The following C19orf47 variants were observed in gnomAD, a reference collection of about 807,000 sequenced individuals.
C19orf47 encodes the protein chromosome 19 open reading frame 47.
C19orf47 carries 18 observed loss-of-function variants against 32.3 expected under a neutral mutation model. That is an observed-to-expected ratio of 0.56 (90% CI 0.39 to 0.83). The LOEUF (loss-of-function observed/expected upper bound fraction) is 0.83. Ranked by LOEUF, C19orf47 falls within the 40% of genes least tolerant of loss-of-function variation. C19orf47 has a pLI of 0.00. For missense variants in C19orf47, 484 were observed against 531.6 expected (o/e 0.91, Z 0.88); for synonymous variants, 202 against 211.1 (o/e 0.96, Z 0.37).
chr19:40,325,712 A>C (rs2077815214), intron 7 of C19orf47, among the ~76,000 whole-genome samples: 1 of 152,246 alleles, frequency 6.6e-6, no homozygotes, highest in Non-Finnish European at 1.5e-5. Context: ...TGGAAAGGTT[A>C]ACAAGAGACG....
At chr19:40,309,964 T>TGAA in the C19orf47 span, among the ~76,000 whole-genome samples, 1 of 152,144 alleles carries the variant, frequency 6.6e-6, no homozygotes, top group East Asian at 1.9e-4. Context: ...TGGCAGTTCT[T>TGAA]CAGATGGTTA....
In C19orf47 at chr19:40,348,137, C is replaced by G. The variant is rs549528292; in HGVS notation, c.-34+187G>C. Among the ~76,000 whole-genome samples the G allele has an allele frequency of 2.6e-5, 4 of 152,316 alleles. No homozygotes were observed. The East Asian group carries it at 7.7e-4, about 29-fold the overall frequency. Reference sequence around the variant, plus strand: ...ACGTACACGACCTGACTTCTCACTCCCATTTATAAAGCCGGTGATACAGTC... The same window carrying G: ...ACGTACACGACCTGACTTCTCACTCGCATTTATAAAGCCGGTGATACAGTC... On this transcript the variant is annotated intron_variant, in intron 1 of 8. Transcript: ENST00000683109.
At chr19:40,327,819 GC>G (rs2077865354) in intron 6 of C19orf47, among the ~76,000 whole-genome samples, 1 of 152,206 alleles carries the variant, frequency 6.6e-6, no homozygotes, top group African/African-American at 2.4e-5. Flanking sequence ...AGGAGCAAAG[GC>G]CCCATGATGG....
the C19orf47 span, among the ~76,000 whole-genome samples, chr19:40,307,980 T>C: frequency 6.6e-6 from 1 of 151,086 alleles, no homozygotes; most frequent in Non-Finnish European, 1.5e-5. Context: ...ACTCTCATCT[T>C]AGTGAAGAGG....
At chr19:40,336,534 C>CCA (rs2078069754) in intron 2 of C19orf47, 127 bp from the exon 3 acceptor site, 1 of 787,208 alleles carries the variant, frequency 1.3e-6, no homozygotes. Context: ...ATGGAGTGCT[C>CCA]CACACACACA....
chr19:40,322,398 T>C (rs778005730), intron 8 of C19orf47, 22 bp from the exon 9 acceptor site: 21 of 1,543,612 alleles, frequency 1.4e-5, no homozygotes, highest in Non-Finnish European at 1.7e-5. Context: ...AGAGACAGGA[T>C]GAATGAGTCA....
upstream of C19orf47, chr19:40,348,410 C>G: frequency 6.7e-7 from 1 of 1,487,980 alleles, no homozygotes; most frequent in Admixed American, 2.3e-5. Flanking sequence ...CCGGCCCGGG[C>G]TGCCCGCCCC....
At chr19:40,331,202 G>A (rs1387786932) in intron 5 of C19orf47, among the ~76,000 whole-genome samples, 2 of 152,194 alleles carry the variant, frequency 1.3e-5, no homozygotes, top group Non-Finnish European at 2.9e-5. Context: ...TGCAAGCAGT[G>A]GCTTAAGAGG....
At chr19:40,293,082 A>C in the C19orf47 span, among the ~76,000 whole-genome samples, 3 of 151,940 alleles carry the variant, frequency 2.0e-5, no homozygotes, top group African/African-American at 7.3e-5. Flanking sequence ...GATAAGCTTC[A>C]ATCCTCTGAC....
chr19:40,324,083 G>A lies in C19orf47; in HGVS notation c.593-7C>T, dbSNP rs1459714593. On this transcript the variant is annotated splice_region_variant and splice_polypyrimidine_tract_variant and intron_variant, in intron 7 of 8. Transcript: ENST00000683109. Reference sequence around the variant, plus strand: ...ACAGACGTCCTATGGAGACCTGGGAGGGAAGTGAAGCCATCAGGGAGAGGC... The same window carrying A: ...ACAGACGTCCTATGGAGACCTGGGAAGGAAGTGAAGCCATCAGGGAGAGGC... The A allele has an allele frequency of 1.2e-6, 2 of 1,614,230 alleles. No individual in the cohort carries two copies. The highest frequency in any genetic ancestry group is 1.7e-6 in the Non-Finnish European group (2 of 1,180,024).
At chr19:40,330,121 A>G (rs1303545583) in intron 5 of C19orf47, among the ~76,000 whole-genome samples, 2 of 152,178 alleles carry the variant, frequency 1.3e-5, no homozygotes, top group African/African-American at 2.4e-5. Context: ...AAGTGTGTAA[A>G]AGTGATCATC....
Position 40,331,313 on chromosome 19 carries a change from C to T in C19orf47, c.301+2538G>A, listed in dbSNP as rs117129630. On this transcript the variant is annotated intron_variant, in intron 5 of 8. Transcript: ENST00000683109. ...CTAGCCAGCTAGATAATTATGGACACGTAGCCAAGTCACCCTGTGGGCCCA... is the reference window on the plus strand; with the variant it reads ...CTAGCCAGCTAGATAATTATGGACATGTAGCCAAGTCACCCTGTGGGCCCA... Among the ~76,000 whole-genome samples the T allele has an allele frequency of 4.6e-3, 705 of 152,342 alleles. 2 individuals carry two copies. Among genetic ancestry groups the T allele is most frequent in the Non-Finnish European group, 8.5e-3 (576 of 68,038 alleles).
the C19orf47 span, among the ~76,000 whole-genome samples, chr19:40,312,322 C>T: frequency 2.0e-5 from 3 of 151,958 alleles, no homozygotes; most frequent in African/African-American, 4.8e-5. Flanking sequence ...CCGAGGCGGT[C>T]GGATCACGAG....
rs771899789 is a variant in C19orf47, at chr19:40,324,110, C to T, written c.593-34G>A. ...GAAGTGAAGCCATCAGGGAGAGGCC[C>T]CGGTGGGCCAGGCCTAGGCTGAGCT... On this transcript the variant is annotated intron_variant, in intron 7 of 8. Transcript: ENST00000683109. 2.5e-6 allele frequency: 4 copies of T among 1,611,430 alleles called. No homozygotes were observed. The Admixed American group carries it at 5.0e-5, about 20-fold the overall frequency.
downstream of C19orf47, among the ~76,000 whole-genome samples, chr19:40,318,973 T>C (rs1228026022): frequency 2.6e-5 from 4 of 152,136 alleles, no homozygotes; most frequent in Non-Finnish European, 5.9e-5. Context: ...ATGGTACAGT[T>C]TAAAATAGTT....
chr19:40,310,963 C>T, the C19orf47 span, among the ~76,000 whole-genome samples: 2 of 152,054 alleles, frequency 1.3e-5, no homozygotes, highest in Non-Finnish European at 2.9e-5. Context: ...TTACACCAGG[C>T]GCAGTGGCTC....
chr19:40,340,328 C>A (rs1025297539), intron 2 of C19orf47, among the ~76,000 whole-genome samples: 1 of 152,116 alleles, frequency 6.6e-6, no homozygotes, highest in Non-Finnish European at 1.5e-5. Flanking sequence ...CCAGAGGCAA[C>A]CACCACCTTC....
At chr19:40,296,037 T>A in the C19orf47 span, among the ~76,000 whole-genome samples, 1 of 152,190 alleles carries the variant, frequency 6.6e-6, no homozygotes, top group Admixed American at 6.5e-5. Context: ...TGAACCAACA[T>A]GCCTGGCCCA....
the C19orf47 span, among the ~76,000 whole-genome samples, chr19:40,302,414 C>T: frequency 1.3e-5 from 2 of 152,084 alleles, no homozygotes; most frequent in Non-Finnish European, 2.9e-5. Context: ...TACAGGCATG[C>T]ACGAACATGT....
Sources: allele counts gnomAD v4.1 joint callset (sites outside exome capture counted in the v4.1 genomes callset), GRCh38; gene constraint gnomAD v4.1.1; transcripts MANE v1.5; gene names NCBI Gene and HGNC (gene_info 2026-07-23, HGNC 2026-07-21).